ASB4: variants seen among roughly 807,000 people sequenced by gnomAD.
The protein encoded by ASB4 is ankyrin repeat and SOCS box protein 4.
Under a neutral mutation model 38.6 loss-of-function variants are expected in ASB4, and 35 were observed. The ratio of observed to expected loss-of-function variants is 0.91; its 90% confidence interval spans 0.69 to 1.20. The LOEUF (loss-of-function observed/expected upper bound fraction) is 1.20, where lower values mean the gene tolerates loss of function less well. Among genes scored for constraint, ASB4 ranks in the 50% most tolerant of loss-of-function variants. The probability of loss-of-function intolerance (pLI) is 0.00; values close to 1 mark genes in which losing one functional copy is unlikely to be tolerated. For synonymous variants in ASB4, 195 were observed against 201.3 expected (o/e 0.97, Z 0.26); for missense variants, 557 against 527.2 (o/e 1.06, Z -0.55).
At chr7:95,541,961 G>A (rs937877485), downstream of ASB4, among the ~76,000 whole-genome samples, 4 of 152,040 alleles carry the variant, frequency 2.6e-5, no homozygotes, top group East Asian at 3.9e-4. Context: ...CAGCTCCTCC[G>A]GAGGCTGAGG....
the ASB4 span, among the ~76,000 whole-genome samples, chr7:95,547,982 G>T: frequency 0.44 from 67,186 of 152,024 alleles, 15,187 homozygotes; most frequent in East Asian, 0.82. Flanking sequence ...TATAACCTAC[G>T]GGTTCTGTTT....
the ASB4 span, among the ~76,000 whole-genome samples, chr7:95,545,449 A>C: frequency 6.6e-6 from 1 of 152,178 alleles, no homozygotes. Flanking sequence ...CATTGCAGTT[A>C]GTTTCTCTCT....
chr7:95,504,538 T>G (rs1026860610), intron 2 of ASB4, among the ~76,000 whole-genome samples: 19 of 152,218 alleles, frequency 1.2e-4, no homozygotes, highest in African/African-American at 4.6e-4. Context: ...TGTTAGACAT[T>G]TGCAAACCAC....
chr7:95,515,198 T>G (rs1306799875), intron 2 of ASB4, among the ~76,000 whole-genome samples: 4 of 128,574 alleles, frequency 3.1e-5, no homozygotes, highest in Non-Finnish European at 6.3e-5. Context: ...TCTTTCTTTC[T>G]TTCTTTCTTT....
At chr7:95,484,521 G>A (rs753406766), upstream of ASB4, among the ~76,000 whole-genome samples, 1 of 152,148 alleles carries the variant, frequency 6.6e-6, no homozygotes, top group East Asian at 1.9e-4. Context: ...CTGTATACCT[G>A]TAACTTGCCA....
At chr7:95,476,532 C>T (rs1046627872), upstream of ASB4, among the ~76,000 whole-genome samples, 3 of 152,204 alleles carry the variant, frequency 2.0e-5, no homozygotes, top group Admixed American at 2.0e-4. Flanking sequence ...GGGGCAGCTA[C>T]AGACACTAGA....
At chr7:95,524,707 G>T (rs1243691631) in intron 2 of ASB4, among the ~76,000 whole-genome samples, 1 of 152,178 alleles carries the variant, frequency 6.6e-6, no homozygotes, top group African/African-American at 2.4e-5. Context: ...GAGTAAGGTT[G>T]TTCCCTATTG....
chr7:95,512,109 A>AT (rs1790490813), intron 2 of ASB4, among the ~76,000 whole-genome samples: 1 of 151,858 alleles, frequency 6.6e-6, no homozygotes, highest in Non-Finnish European at 1.5e-5. Context: ...GTAACACTTG[A>AT]TCCTCCCATG....
the ASB4 span, among the ~76,000 whole-genome samples, chr7:95,550,190 G>T: frequency 4.8e-4 from 73 of 152,222 alleles, no homozygotes; most frequent in East Asian, 6.8e-3. Flanking sequence ...TGGACCTGGG[G>T]ACTATCTTAG....
the ASB4 span, among the ~76,000 whole-genome samples, chr7:95,472,221 CT>C: frequency 8.9e-6 from 1 of 112,360 alleles, no homozygotes; most frequent in Admixed American, 9.0e-5. Context: ...CACTTACATT[CT>C]TTCCCCAAAA....
upstream of ASB4, chr7:95,474,057 T>G (rs552595984): frequency 7.2e-5 from 11 of 152,350 alleles, no homozygotes; most frequent in African/African-American, 2.4e-4. Context: ...AGCTAGATTT[T>G]TATGTGTGGT....
At position 95,495,959 on chromosome 7, in the gene ASB4, G is replaced by A. The variant is rs1790241322; in HGVS notation, c.389G>A (p.Gly130Glu). The stretch of plus-strand genomic sequence containing the variant: ...TGTGTTAAGATCCTCTGTGATCGTG[G>A]GGCAAAGCTCAATTGCTACTCCTTA... The part of the protein sequence containing the change: ...VDCVKILCDR[G>E]AKLNCYSLSG... The change falls in exon 2 of 5, where the codon GGG (glycine) becomes GAG (glutamate). Residue 130 changes from glycine to glutamate, a missense_variant. Transcript: ENST00000325885. 6.2e-7 allele frequency: 1 copy of A among 1,614,078 alleles called. No individual in the cohort carries two copies. Among genetic ancestry groups the A allele is most frequent in the Non-Finnish European group, 8.5e-7 (1 of 1,180,008 alleles).
chr7:95,498,585 C>T (rs985269327), intron 2 of ASB4, among the ~76,000 whole-genome samples: 16 of 152,194 alleles, frequency 1.1e-4, no homozygotes, highest in East Asian at 1.9e-4. Context: ...ATATATATTC[C>T]GAATACTAGT....
At chr7:95,528,451 C>G in intron 3 of ASB4, 148 bp downstream of exon 3, 1 of 1,468,412 alleles carries the variant, frequency 6.8e-7, no homozygotes, top group Non-Finnish European at 9.0e-7. Flanking sequence ...ATACCTAATC[C>G]TAGCTGTCTC....
intron 2 of ASB4, among the ~76,000 whole-genome samples, chr7:95,499,648 G>C (rs549415354): frequency 6.6e-6 from 1 of 152,102 alleles, no homozygotes; most frequent in Non-Finnish European, 1.5e-5. Flanking sequence ...AAGAAGTGAG[G>C]CTGCAGAAGT....
chr7:95,472,327 G>A, the ASB4 span, among the ~76,000 whole-genome samples: 2 of 152,146 alleles, frequency 1.3e-5, no homozygotes, highest in African/African-American at 4.8e-5. Context: ...ATGCTTAGAC[G>A]AATGATCTGT....
chr7:95,534,856 G>A (rs956631027), intron 3 of ASB4, among the ~76,000 whole-genome samples: 5 of 152,190 alleles, frequency 3.3e-5, no homozygotes, highest in African/African-American at 1.2e-4. Flanking sequence ...TAATGGAATG[G>A]ATAGGTTGAA....
At position 95,537,493 on chromosome 7, in the gene ASB4, A is replaced by G. The variant is rs545645296; in HGVS notation, c.1093-78A>G. 4.2e-5 allele frequency: 53 copies of G among 1,266,834 alleles called. No individual in the cohort carries two copies. In the African/African-American group the frequency reaches 7.3e-4, roughly 17 times the overall value. 78.5% of individuals were successfully genotyped at this position (1,266,834 alleles called of 1,614,324 possible). A position where few individuals can be genotyped will look rare whatever the true frequency, so the allele number is the denominator to read the frequency against. ...GAAGCTGCCATTACGTATAGAGGTT[A>G]GTTGCAGCATTGCTGATTTTTATTG... On this transcript the variant is annotated intron_variant, in intron 4 of 4. Transcript: ENST00000325885.
upstream of ASB4, among the ~76,000 whole-genome samples, chr7:95,484,717 A>G (rs1166883554): frequency 6.6e-6 from 1 of 152,130 alleles, no homozygotes; most frequent in African/African-American, 2.4e-5. Flanking sequence ...GACATATAAA[A>G]ATGCAATTTA....
Sources: allele counts gnomAD v4.1 joint callset (sites outside exome capture counted in the v4.1 genomes callset), GRCh38; gene constraint gnomAD v4.1.1; transcripts MANE v1.5; gene names NCBI Gene and HGNC (gene_info 2026-07-23, HGNC 2026-07-21).